The following XRRA1 variants were observed in gnomAD, a reference collection of about 807,000 sequenced individuals.
XRRA1 encodes X-ray radiation resistance-associated protein 1.
XRRA1 carries 69 observed loss-of-function variants against 80.2 expected under a neutral mutation model. The ratio of observed to expected loss-of-function variants is 0.86; its 90% CI spans 0.71 to 1.05. The LOEUF is 1.05. Among genes scored for constraint, XRRA1 ranks in the 50% least tolerant of loss-of-function variants. The pLI is 0.00. For missense variants in XRRA1, 967 were observed against 976.4 expected (o/e 0.99, Z 0.13); for synonymous variants, 348 against 389.9 (o/e 0.89, Z 1.27).
chr11:74,916,119 T>C (rs1938588253), intron 8 of XRRA1, among the ~76,000 whole-genome samples: 1 of 152,212 alleles, frequency 6.6e-6, no homozygotes, highest in South Asian at 2.1e-4. Context: ...TTTAACAGTC[T>C]GATTATAATA....
At position 74,880,305 on chromosome 11, in the gene XRRA1, G is replaced by A. The variant is rs551365130; in HGVS notation, c.1004-17284C>T. 1.1e-4 allele frequency among the ~76,000 whole-genome samples: 17 copies of A among 152,226 alleles called. 1 individual carries two copies. In the East Asian group the frequency reaches 3.1e-3, roughly 28 times the overall value. On this transcript the variant is annotated intron_variant, in intron 10 of 18. Coordinates refer to ENST00000684022, the MANE Select transcript of XRRA1 (RefSeq NM_001378157.1). ...TAGTTTGTATTTCTGTGGGATCGGT[G>A]GTGATATCCCCTTTATCATTTTTTA...
chr11:74,897,706 T>TAAAAAAAAAAA (rs61193896), intron 10 of XRRA1, among the ~76,000 whole-genome samples: 1 of 84,422 alleles, frequency 1.2e-5, no homozygotes, highest in Non-Finnish European at 2.3e-5. Flanking sequence ...TTTAAACTGC[T>TAAAAAAAAAAA]AAAAAAAAAA....
intron 10 of XRRA1, among the ~76,000 whole-genome samples, chr11:74,891,269 A>T (rs1796738333): frequency 6.6e-6 from 1 of 152,232 alleles, no homozygotes; most frequent in Admixed American, 6.5e-5. Context: ...CAATAAACAT[A>T]ATCCAACATA....
At chr11:74,853,786 T>C (rs1040137458) in intron 12 of XRRA1, among the ~76,000 whole-genome samples, 3 of 152,142 alleles carry the variant, frequency 2.0e-5, no homozygotes, top group South Asian at 4.1e-4. Context: ...AAAGGCCTCA[T>C]AGCCTGCTGG....
intron 2 of XRRA1, among the ~76,000 whole-genome samples, chr11:74,942,366 C>T (rs1258169888): frequency 1.3e-5 from 2 of 152,010 alleles, no homozygotes; most frequent in Non-Finnish European, 2.9e-5. Flanking sequence ...CAAGGCAATA[C>T]AAAAAGTGAA....
intron 10 of XRRA1, among the ~76,000 whole-genome samples, chr11:74,895,160 G>A (rs2051940302): frequency 6.6e-6 from 1 of 152,366 alleles, no homozygotes; most frequent in South Asian, 2.1e-4. Flanking sequence ...GAGGTATTGA[G>A]GAGGGCAGGA....
rs762757280 is a variant in XRRA1, at chr11:74,843,382, A to G, written c.2221T>C (p.Leu741=). 7.4e-6 allele frequency: 12 copies of G among 1,612,300 alleles called. No individual in the cohort carries two copies. Among genetic ancestry groups the G allele is most frequent in the African/African-American group, 4.0e-5 (3 of 74,878 alleles). ...CGGTAACGTGCCTGGAACTCCTTCA[A>G]CAGCCTCTTGGCCTCCAGGTACTGC... ...HKQYLEAKRL[L]KEFQARYRQL... Residue 741 remains leucine, a synonymous_variant, in exon 19 of 19, where the codon TTG becomes CTG. Transcript: ENST00000684022.
At chr11:74,890,392 A>C (rs1421306137) in intron 10 of XRRA1, among the ~76,000 whole-genome samples, 1 of 152,254 alleles carries the variant, frequency 6.6e-6, no homozygotes, top group Non-Finnish European at 1.5e-5. Context: ...CCTGGGACAC[A>C]TTCAAAGCAG....
rs540122929 is a variant in XRRA1 at position 74,848,357 on chromosome 11, C to T, written c.1486G>A (p.Glu496Lys). 6.2e-7 allele frequency: 1 copy of T among 1,613,920 alleles called. No homozygotes were observed. Among genetic ancestry groups the T allele is most frequent in the African/African-American group, 1.3e-5 (1 of 75,050 alleles). The change falls in exon 15 of 19, where the codon GAG becomes AAG. Residue 496 changes from glutamate to lysine, a missense_variant. By Grantham distance (56) the Glu-to-Lys change is moderately conservative. Coordinates refer to ENST00000684022, the MANE Select transcript of XRRA1 (RefSeq NM_001378157.1). ...PSKDMLEPEAELAEDLPTTKS... is the reference protein window; with the variant it reads ...PSKDMLEPEAKLAEDLPTTKS... ...GTAGTGGGCAGATCTTCAGCCAGCT[C>T]TGCCTCTGGCTCTAGCATATCCTTT...
At chr11:74,867,152 G>C (rs650130) in intron 10 of XRRA1, among the ~76,000 whole-genome samples, 98,230 of 151,948 alleles carry the variant, frequency 0.65, 34,118 homozygotes, top group Non-Finnish European at 0.78. Flanking sequence ...AACCAGACAA[G>C]AACTCTGGCA....
intron 10 of XRRA1, among the ~76,000 whole-genome samples, chr11:74,884,868 A>T (rs779386689): frequency 1.4e-4 from 21 of 152,344 alleles, no homozygotes; most frequent in Middle Eastern, 3.4e-3. Flanking sequence ...CAACTAGAGA[A>T]ACTAAAGAAA....
rs942977900 is a variant in XRRA1 at position 74,859,044 on chromosome 11, C to T, written c.1170+114G>A. The T allele has an allele frequency of 2.4e-5, 32 of 1,360,244 alleles. No individual in the cohort carries two copies. In the African/African-American group the frequency reaches 4.4e-4, roughly 19 times the overall value. The allele number at this position is 1,360,244 out of a possible 1,614,324, so 84.3% of individuals were successfully genotyped here. A position where few individuals can be genotyped will look rare whatever the true frequency, so the allele number is the denominator to read the frequency against. On this transcript the variant is annotated intron_variant, in intron 12 of 18. Coordinates refer to ENST00000684022, the MANE Select transcript of XRRA1 (RefSeq NM_001378157.1). ...TCCCCACCCTGAGAATTCCTGAGCC[C>T]ATGTACCTGTAATGCAGGGAATTGA...
chr11:74,940,768 T>G lies in XRRA1; in HGVS notation c.94+17A>C. 1 of 1,588,658 alleles carries G rather than the reference T, an allele frequency of 6.3e-7. No homozygotes were observed. The highest frequency in any genetic ancestry group is 1.3e-5 in the African/African-American group (1 of 74,542). On this transcript the variant is annotated intron_variant, in intron 3 of 18. Transcript: ENST00000684022. ...CTAGGTATGAGGAAAAGGTAGCTAT[T>G]TGAGAAGTCACCTGACCTTCCTCCG...
In XRRA1 at chr11:74,845,170, A is replaced by C; in HGVS notation, c.1830T>G (p.Thr610=). The C allele has an allele frequency of 6.2e-7, 1 of 1,614,080 alleles. No homozygotes were observed. Among genetic ancestry groups the C allele is most frequent in the Non-Finnish European group, 8.5e-7 (1 of 1,179,912 alleles). ...PPTAPREVKG[T]RRKLPTAFLP... ...GGAAGGCAGTTGGGAGTTTCCTCCG[A>C]GTCCCTTTCACCTCTCTGGGTGCCG... is the stretch of plus-strand genomic sequence containing the variant. The change falls in exon 16 of 19, where the codon ACT becomes ACG. Residue 610 remains threonine (T), a synonymous_variant. Coordinates refer to ENST00000684022, the MANE Select transcript of XRRA1 (RefSeq NM_001378157.1).
intron 10 of XRRA1, among the ~76,000 whole-genome samples, chr11:74,878,549 C>G (rs1324540756): frequency 6.6e-6 from 1 of 152,044 alleles, no homozygotes. Flanking sequence ...CTGCCTGTGT[C>G]CTGAATGGTA....
chr11:74,892,534 CA>C (rs2051051595), intron 10 of XRRA1, among the ~76,000 whole-genome samples: 1 of 152,092 alleles, frequency 6.6e-6, no homozygotes, highest in Admixed American at 6.5e-5. Flanking sequence ...GCAATGGCAA[CA>C]AAAGCCAAAA....
chr11:74,946,665 T>A (rs1297651660), intron 1 of XRRA1, among the ~76,000 whole-genome samples: 1 of 152,226 alleles, frequency 6.6e-6, no homozygotes, highest in Non-Finnish European at 1.5e-5. Flanking sequence ...TGTATTATAA[T>A]GCCTGCTTCC....
intron 3 of XRRA1, among the ~76,000 whole-genome samples, chr11:74,939,474 T>C (rs1188473175): frequency 6.6e-6 from 1 of 152,262 alleles, no homozygotes; most frequent in Admixed American, 6.5e-5. Flanking sequence ...ATTTATTTCA[T>C]TGCTCAAACT....
At chr11:74,856,324 C>T (rs1591625930) in intron 12 of XRRA1, among the ~76,000 whole-genome samples, 1 of 152,126 alleles carries the variant, frequency 6.6e-6, no homozygotes, top group Non-Finnish European at 1.5e-5. Flanking sequence ...TAGGTGGTAA[C>T]TATCATAAAG....
Sources: allele counts gnomAD v4.1 joint callset (sites outside exome capture counted in the v4.1 genomes callset), GRCh38; gene constraint gnomAD v4.1.1; transcripts MANE v1.5; gene names NCBI Gene and HGNC (gene_info 2026-07-23, HGNC 2026-07-21).